The following TTN variants were observed in gnomAD, a reference collection of about 807,000 sequenced individuals.
TTN encodes connectin.
TTN carries 1,525 observed loss-of-function variants against 3,223.0 expected under a neutral mutation model. The observed-to-expected ratio is 0.47, with a 90% confidence interval of 0.45 to 0.49. TTN has a LOEUF of 0.49. TTN is among the 20% of genes least tolerant of loss of function. The probability of loss-of-function intolerance (pLI) is 0.00; values close to 1 mark genes in which losing one functional copy is unlikely to be tolerated. For missense variants in TTN, 40,786 were observed against 43,424.0 expected, an observed-to-expected ratio of 0.94 and a Z score of 5.40; for synonymous variants, 14,094 against 15,161.0, an observed-to-expected ratio of 0.93 and a Z score of 5.17.
At position 178,534,048 on chromosome 2, in the gene TTN, A is replaced by G; in HGVS notation, c.102567T>C (p.Asp34189=). Residue 34189 remains aspartate, a synonymous_variant, in exon 358 of 363, where the codon GAT becomes GAC. Transcript: ENST00000589042. ...CTTTGACATAGAGGATGGCCACTCC[A>G]TCTTCGTAGGTGATTTCGTATTTCT... ...NSEKYEITYE[D]GVAILYVKDI... 6.2e-7 allele frequency: 1 copy of G among 1,613,996 alleles called. No individual in the cohort carries two copies. The highest frequency in any genetic ancestry group is 1.7e-5 in the Admixed American group (1 of 60,024).
intron 1 of TTN, among the ~76,000 whole-genome samples, chr2:178,805,559 C>G (rs754873970): frequency 6.6e-6 from 1 of 152,060 alleles, no homozygotes; most frequent in Non-Finnish European, 1.5e-5. Flanking sequence ...GAAGCTTTGG[C>G]AAGCCTTATC....
At position 178,562,135 on chromosome 2, in the gene TTN, A is replaced by G. The variant is rs182917459; in HGVS notation, c.83997T>C (p.Asp27999=). Residue 27999 remains aspartate, a synonymous_variant, in exon 326 of 363, where the codon GAT becomes GAC. Transcript: ENST00000589042. ...RPQATVNWRK[D]GQTLKETTRV... ...TAGTTGTCTCTTTAAGAGTCTGACC[A>G]TCTTTTCTCCAGTTCACAGTAGCTT... The G allele has an allele frequency of 1.3e-5, 21 of 1,613,276 alleles. No homozygotes were observed. Among genetic ancestry groups the G allele is most frequent in the Admixed American group, 1.0e-4 (6 of 59,950 alleles).
rs373348905 is a variant in TTN at position 178,725,539 on chromosome 2, T to C, written c.20665A>G (p.Lys6889Glu). 1 of 1,613,310 alleles carries C rather than the reference T, an allele frequency of 6.2e-7. No homozygotes were observed. The highest frequency in any genetic ancestry group is 8.5e-7 in the Non-Finnish European group (1 of 1,179,490). The change falls in exon 71 of 363, where the codon AAA (lysine) becomes GAA (glutamate). Residue 6889 changes from lysine (K) to glutamate (E), a missense_variant. Transcript: ENST00000589042. ...TCTCTAATCACTTCTTCCTTCTCTT[T>C]AAGCCACTGGACAAAAATAGGCTGG... Reference protein sequence around the residue: ...GAQPIFVQWLKEKEEVIRESE... With the variant: ...GAQPIFVQWLEEKEEVIRESE...
Position 178,565,826 on chromosome 2 carries a change from A to G in TTN, c.80306T>C (p.Val26769Ala). 2 of 1,613,614 alleles carry G rather than the reference A, an allele frequency of 1.2e-6. No individual in the cohort carries two copies. Among genetic ancestry groups the G allele is most frequent in the Non-Finnish European group, 1.7e-6 (2 of 1,179,656 alleles). Residue 26769 changes from valine (V) to alanine (A), a missense_variant, in exon 326 of 363, where the codon GTG (valine) becomes GCG (alanine). Physicochemically the swap from Val to Ala is moderately conservative, Grantham distance 64. Coordinates refer to ENST00000589042, the MANE Select transcript of TTN (RefSeq NM_001267550.2). ...AENEFGVGVP[V>A]ETVDAVKAAE... Reference sequence around the variant, plus strand: ...AGCTTTCACGGCATCAACAGTTTCCACTGGAACACCAACTCCAAATTCATT... The same window carrying G: ...AGCTTTCACGGCATCAACAGTTTCCGCTGGAACACCAACTCCAAATTCATT...
intron 155 of TTN, among the ~76,000 whole-genome samples, chr2:178,671,746 C>T (rs895017368): frequency 2.0e-5 from 3 of 151,704 alleles, no homozygotes; most frequent in African/African-American, 7.2e-5. Context: ...TCCCCAAATT[C>T]ATACAGTGAC....
At chr2:178,642,502 T>G (rs2154240233) in intron 218 of TTN, among the ~76,000 whole-genome samples, 185 bp from the exon 219 acceptor site, 1 of 152,114 alleles carries the variant, frequency 6.6e-6, no homozygotes, top group Non-Finnish European at 1.5e-5. Flanking sequence ...CAAATATCTA[T>G]ACAGCCTTGT....
chr2:178,788,014 C>T (rs190120893), intron 13 of TTN, among the ~76,000 whole-genome samples: 15 of 152,154 alleles, frequency 9.9e-5, no homozygotes, highest in Admixed American at 6.5e-4. Context: ...TAGAAATGCT[C>T]ACTGTTCAAC....
At position 178,713,241 on chromosome 2, in the gene TTN, C is replaced by T. The variant is rs200325324; in HGVS notation, c.26893G>A (p.Glu8965Lys). 78 of 1,612,974 alleles carry T rather than the reference C, an allele frequency of 4.8e-5. No individual in the cohort carries two copies. The highest frequency in any genetic ancestry group is 1.8e-4 in the South Asian group (16 of 90,932). The change falls in exon 93 of 363, where the codon GAG (glutamate) becomes AAG (lysine). Residue 8965 changes from glutamate (E) to lysine (K), a missense_variant. Transcript: ENST00000589042. ...ISVSWFHEGN[E>K]ISSGRKYQTT... The stretch of plus-strand genomic sequence containing the variant: ...TGGTATTTCCTTCCACTACTGATCT[C>T]ATTTCCTTCATGGAACCAGGAGACA...
At chr2:178,624,421 TA>T in intron 242 of TTN, 43 bp downstream of exon 242, 1 of 1,606,582 alleles carries the variant, frequency 6.2e-7, no homozygotes, top group African/African-American at 1.3e-5. Flanking sequence ...TTGTAGTTAT[TA>T]AAGAATTGCA....
chr2:178,789,646 A>G, intron 12 of TTN, 149 bp from the exon 13 acceptor site: 2 of 1,110,772 alleles, frequency 1.8e-6, no homozygotes, highest in Non-Finnish European at 2.6e-6. Flanking sequence ...ATGTCTACAT[A>G]TACTGACTGA....
intron 48 of TTN, among the ~76,000 whole-genome samples, chr2:178,738,563 C>T: frequency 6.6e-6 from 1 of 151,914 alleles, no homozygotes; most frequent in East Asian, 1.9e-4. Context: ...TAAAAAAAAC[C>T]TATTCAATCA....
intron 336 of TTN, 137 bp from the exon 337 acceptor site, chr2:178,550,410 A>G: frequency 2.9e-6 from 2 of 683,604 alleles, no homozygotes; most frequent in Non-Finnish European, 4.6e-6. Context: ...CTATTTTGAA[A>G]GTAGGATTGA....
intron 228 of TTN, 75 bp downstream of exon 228, chr2:178,635,090 A>G (rs1004802155): frequency 7.6e-6 from 12 of 1,574,548 alleles, no homozygotes; most frequent in Non-Finnish European, 9.5e-6. Context: ...AGCAACCCGA[A>G]TCTAGGATAT....
Position 178,580,379 on chromosome 2 carries a change from A to G in TTN, c.67000T>C (p.Leu22334=), listed in dbSNP as rs766103894. The G allele has an allele frequency of 6.2e-7, 1 of 1,613,162 alleles. No individual in the cohort carries two copies. The highest frequency in any genetic ancestry group is 1.3e-5 in the African/African-American group (1 of 74,878). ...VNKYDAGKYI[L]TLENSCGKKE... ...TTACCACAGCTGTTCTCCAGGGTTA[A>G]GATATATTTTCCTGCATCATATTTG... is the stretch of plus-strand genomic sequence containing the variant. The change falls in exon 317 of 363, where the codon TTA becomes CTA. Residue 22334 remains leucine, a synonymous_variant. Transcript: ENST00000589042.
Position 178,649,554 on chromosome 2 carries a change from C to T in TTN, c.39973G>A (p.Val13325Met). 1.3e-6 allele frequency: 2 copies of T among 1,549,466 alleles called. No homozygotes were observed. The highest frequency in any genetic ancestry group is 1.7e-6 in the Non-Finnish European group (2 of 1,146,338). ...ATGATGCCAACGATGAAGTGAATAC[C>T]TTTAGCTGCTGGTGTTTCTGGCTTC... ...VKKPETPAAK[V>M]PEVPKKLVPV... The change falls in exon 212 of 363, where the codon GTG becomes ATG. Residue 13325 changes from valine to methionine, a missense_variant and splice_region_variant. Coordinates refer to ENST00000589042, the MANE Select transcript of TTN (RefSeq NM_001267550.2).
In TTN at chr2:178,580,454, C is replaced by G. The variant is rs1204440058; in HGVS notation, c.66925G>C (p.Asp22309His). Reference sequence around the variant, plus strand: ...GTGTCAAAGTCAGTTGACTTTATGTCCAGTCCAATCCTGTCTCTTAGATTG... The same window carrying G: ...GTGTCAAAGTCAGTTGACTTTATGTGCAGTCCAATCCTGTCTCTTAGATTG... ...NVNLRDRIGL[D>H]IKSTDFDTFL... The change falls in exon 317 of 363, where the codon GAC becomes CAC. Residue 22309 changes from aspartate (D) to histidine (H), a missense_variant. Physicochemically the swap from Asp to His is moderately conservative, Grantham distance 81 (BLOSUM62 -1). Transcript: ENST00000589042. 3 of 1,613,104 alleles carry G rather than the reference C, an allele frequency of 1.9e-6. No individual in the cohort carries two copies. The highest frequency in any genetic ancestry group is 1.1e-5 in the South Asian group (1 of 91,056).
intron 148 of TTN, 27 bp downstream of exon 148, chr2:178,675,894 G>C: frequency 6.3e-7 from 1 of 1,595,416 alleles, no homozygotes; most frequent in Non-Finnish European, 8.6e-7. Flanking sequence ...AAATGGCATA[G>C]TCTAATTTAC....
At chr2:178,734,672 C>T (rs1383467457) in intron 51 of TTN, 35 bp downstream of exon 51, 1 of 1,572,604 alleles carries the variant, frequency 6.4e-7, no homozygotes, top group Non-Finnish European at 8.6e-7. Flanking sequence ...AATCTTTTCT[C>T]AGAAAAATAC....
At chr2:178,786,165 A>C (rs770187918) in intron 13 of TTN, 24 bp from the exon 14 acceptor site, 11 of 1,611,524 alleles carry the variant, frequency 6.8e-6, no homozygotes, top group Non-Finnish European at 9.3e-6. Context: ...TTCCAGAATT[A>C]ATACATAGGA....
Sources: allele counts gnomAD v4.1 joint callset (sites outside exome capture counted in the v4.1 genomes callset), GRCh38; gene constraint gnomAD v4.1.1; transcripts MANE v1.5; gene names NCBI Gene and HGNC (gene_info 2026-07-23, HGNC 2026-07-21).